The following RBPMS variants were observed in gnomAD, a reference collection of about 807,000 sequenced individuals.
RBPMS encodes RNA binding protein, mRNA processing factor, also known as RNA-binding protein with multiple splicing.
A neutral mutation model predicts 26.8 loss-of-function variants in RBPMS; 7 were observed. The observed-to-expected ratio is 0.26, with a 90% CI of 0.15 to 0.49. The LOEUF (loss-of-function observed/expected upper bound fraction) is 0.49. Among genes scored for constraint, RBPMS ranks in the 20% least tolerant of loss-of-function variants. The pLI is 0.98. For missense variants in RBPMS, 186 were observed against 250.0 expected, an observed-to-expected ratio of 0.74 and a Z score of 1.73; for synonymous variants, 96 against 93.3, an observed-to-expected ratio of 1.03 and a Z score of -0.17.
chr8:30,519,290 T>A (rs1399459554), intron 5 of RBPMS, among the ~76,000 whole-genome samples: 1 of 152,168 alleles, frequency 6.6e-6, no homozygotes, highest in Non-Finnish European at 1.5e-5. Context: ...TCATTCATGT[T>A]TAACAGTTAC....
rs373700599 is a variant in RBPMS, at chr8:30,388,596, T to C, written c.66+3438T>C. 1.0e-4 allele frequency among the ~76,000 whole-genome samples: 15 copies of C among 144,742 alleles called. 1 individual carries two copies. Among genetic ancestry groups the C allele is most frequent in the African/African-American group, 3.3e-4 (13 of 39,238 alleles). The allele number at this position is 144,742 out of a possible 152,430, so 95.0% of individuals were successfully genotyped here. ...TAGCTATAAGCTAACTTATAACTTA[T>C]AGCTATAGCTATAAGCTAACTTATA... is the stretch of plus-strand genomic sequence containing the variant. On this transcript the variant is annotated intron_variant, in intron 1 of 8. Transcript: ENST00000397323.
intron 5 of RBPMS, among the ~76,000 whole-genome samples, chr8:30,509,235 A>T (rs1821348360): frequency 6.6e-6 from 1 of 152,090 alleles, no homozygotes; most frequent in Non-Finnish European, 1.5e-5. Context: ...TTGCCCCTGC[A>T]CCTTTCTTCC....
chr8:30,571,843 C>T lies in RBPMS; in HGVS notation c.*1318C>T, dbSNP rs1339711062. 2.0e-5 allele frequency: 3 copies of T among 152,266 alleles called. No homozygotes were observed. Among genetic ancestry groups the T allele is most frequent in the Non-Finnish European group, 4.4e-5 (3 of 68,056 alleles). The allele number at this position is 152,266 out of a possible 1,614,324, so 9.4% of individuals were successfully genotyped here. ...CAGAAGCCATTTTTGTAAAACCACA[C>T]TGACCTAAATTCAGCTGCCAAACAC... On this transcript the variant is annotated 3_prime_UTR_variant, in exon 9 of 9. Transcript: ENST00000397323.
At chr8:30,556,536 G>A (rs576050134) in intron 6 of RBPMS, 35 of 986,438 alleles carry the variant, frequency 3.5e-5, no homozygotes, top group Admixed American at 6.1e-5. Context: ...GTGAAACACC[G>A]TCACGTCTTG....
chr8:30,568,073 C>T (rs561918311), intron 8 of RBPMS, among the ~76,000 whole-genome samples: 10 of 152,284 alleles, frequency 6.6e-5, no homozygotes, highest in East Asian at 3.9e-4. Context: ...CTCCAGAGAC[C>T]GTGAACTTTT....
intron 1 of RBPMS, among the ~76,000 whole-genome samples, chr8:30,431,351 TTCTTTC>T (rs1811907086): frequency 1.4e-5 from 1 of 70,448 alleles, no homozygotes; most frequent in Non-Finnish European, 2.9e-5. Context: ...TTCTTTTTTT[TTCTTTC>T]TCTTTCTTTC....
intron 5 of RBPMS, among the ~76,000 whole-genome samples, chr8:30,536,894 A>G: frequency 6.6e-6 from 1 of 152,062 alleles, no homozygotes; most frequent in Non-Finnish European, 1.5e-5. Flanking sequence ...TAGATGTAAA[A>G]CCATTACGTT....
intron 1 of RBPMS, among the ~76,000 whole-genome samples, chr8:30,425,646 C>T (rs953268564): frequency 6.6e-6 from 1 of 152,058 alleles, no homozygotes; most frequent in East Asian, 1.9e-4. Flanking sequence ...GCAATCTGCC[C>T]ACCTCGGCCT....
intron 1 of RBPMS, among the ~76,000 whole-genome samples, chr8:30,460,709 T>G (rs1815781649): frequency 6.6e-6 from 1 of 152,176 alleles, no homozygotes; most frequent in Admixed American, 6.6e-5. Context: ...AAACCTCTCT[T>G]TTTAAAGGGT....
chr8:30,526,136 C>T (rs980029550), intron 5 of RBPMS, among the ~76,000 whole-genome samples: 7 of 152,184 alleles, frequency 4.6e-5, no homozygotes, highest in African/African-American at 1.4e-4. Flanking sequence ...TCATGATCTG[C>T]GCCCCAACTC....
intron 1 of RBPMS, among the ~76,000 whole-genome samples, chr8:30,461,690 C>T (rs1382168407): frequency 6.6e-6 from 1 of 152,202 alleles, no homozygotes; most frequent in Non-Finnish European, 1.5e-5. Flanking sequence ...CCACCGCACC[C>T]GGCCTCATGT....
chr8:30,497,885 G>A (rs140144331), intron 4 of RBPMS, among the ~76,000 whole-genome samples: 86 of 151,994 alleles, frequency 5.7e-4, no homozygotes, highest in African/African-American at 1.9e-3. Flanking sequence ...GCCTCCCAAA[G>A]TGCTGGGATT....
intron 1 of RBPMS, among the ~76,000 whole-genome samples, chr8:30,386,303 AC>A (rs1807072354): frequency 6.6e-6 from 1 of 152,236 alleles, no homozygotes; most frequent in Non-Finnish European, 1.5e-5. Context: ...ATTCATTAAT[AC>A]ATACAACTTC....
intron 1 of RBPMS, among the ~76,000 whole-genome samples, chr8:30,416,486 C>G (rs1393957149): frequency 6.6e-6 from 1 of 151,284 alleles, no homozygotes; most frequent in Non-Finnish European, 1.5e-5. Context: ...CCATGCCTGG[C>G]TAATTTTTCT....
intron 8 of RBPMS, 52 bp downstream of exon 8, chr8:30,566,412 G>A (rs566879918): frequency 9.8e-6 from 5 of 510,216 alleles, no homozygotes; most frequent in East Asian, 1.5e-4. Context: ...TGGCGAACAC[G>A]TGGGAACTGT....
At chr8:30,390,573 C>A (rs1325312719) in intron 1 of RBPMS, among the ~76,000 whole-genome samples, 1 of 152,184 alleles carries the variant, frequency 6.6e-6, no homozygotes, top group Non-Finnish European at 1.5e-5. Flanking sequence ...TCTTCCTCTT[C>A]TGTTCTCTTG....
Position 30,547,598 on chromosome 8 carries a change from G to A in RBPMS, c.528+2974G>A, listed in dbSNP as rs149790026. The A allele has an allele frequency of 3.8e-5, 34 of 892,050 alleles. No homozygotes were observed. The African/African-American group carries it at 5.4e-4, about 14-fold the overall frequency. The allele number at this position is 892,050 out of a possible 1,614,324, so 55.3% of individuals were successfully genotyped here. A position where few individuals can be genotyped will look rare whatever the true frequency, so the allele number is the denominator to read the frequency against. ...GTGTTACTCTCTGACTGAGGTTTTG[G>A]GAGAATTGGGCCTGTGACACCAAGT... On this transcript the variant is annotated intron_variant, in intron 6 of 8. Coordinates refer to ENST00000397323, the MANE Select transcript of RBPMS (RefSeq NM_001008710.3).
chr8:30,455,435 T>TAA (rs77006026), intron 1 of RBPMS, among the ~76,000 whole-genome samples: 10 of 150,786 alleles, frequency 6.6e-5, no homozygotes, highest in African/African-American at 1.7e-4. Flanking sequence ...GTGAAACAAT[T>TAA]AAAAAAAAAG....
At chr8:30,560,003 A>G (rs1399429741) in intron 7 of RBPMS, among the ~76,000 whole-genome samples, 2 of 152,232 alleles carry the variant, frequency 1.3e-5, no homozygotes, top group Non-Finnish European at 2.9e-5. Context: ...CATTCTGTGG[A>G]AAGAACAGGC....
Sources: allele counts gnomAD v4.1 joint callset (sites outside exome capture counted in the v4.1 genomes callset), GRCh38; gene constraint gnomAD v4.1.1; transcripts MANE v1.5; gene names NCBI Gene and HGNC (gene_info 2026-07-23, HGNC 2026-07-21).